Variants in AK7 observed in about 807,000 individuals in gnomAD.
AK7 encodes the protein adenylate kinase 7.
In AK7, 78 loss-of-function variants were observed where a neutral mutation model predicts 96.6. The observed-to-expected ratio is 0.81, with a 90% CI of 0.67 to 0.97. AK7 has a LOEUF of 0.97. AK7 is among the 50% of genes least tolerant of loss of function. The pLI, the probability that AK7 is intolerant of heterozygous loss-of-function variation, is 0.00. For missense variants in AK7, 855 were observed against 887.9 expected (o/e 0.96, Z 0.47); for synonymous variants, 302 against 317.2 (o/e 0.95, Z 0.51).
At chr14:96,481,597 C>T (rs145757529) in intron 15 of AK7, among the ~76,000 whole-genome samples, 17,886 of 151,764 alleles carry the variant, frequency 0.12, 1,139 homozygotes, top group South Asian at 0.18. Context: ...CTGCCCATCT[C>T]GGCCTCCCAA....
At chr14:96,487,526 T>A (rs1298385999) in intron 17 of AK7, among the ~76,000 whole-genome samples, 1 of 150,320 alleles carries the variant, frequency 6.7e-6, no homozygotes, top group Non-Finnish European at 1.5e-5. Flanking sequence ...ACCTCCCGGT[T>A]CAAGTGATTC....
chr14:96,456,237 TC>T lies in AK7; in HGVS notation c.1099-109del, dbSNP rs1183861877. ...GAGCAACAGAGTGAGAGACTCTGTCTCAAAAAAAAAAAAAAAAAAAAAAAGC... is the reference window on the plus strand; with the variant it reads ...GAGCAACAGAGTGAGAGACTCTGTCTAAAAAAAAAAAAAAAAAAAAAAAGC... On this transcript the variant is annotated intron_variant, in intron 10 of 17. Transcript: ENST00000267584. The T allele has an allele frequency of 7.6e-5, 63 of 830,186 alleles. 1 individual carries two copies. The East Asian group carries it at 1.9e-3, about 25-fold the overall frequency. The allele number at this position is 830,186 out of a possible 1,614,324, so 51.4% of individuals were successfully genotyped here.
intron 5 of AK7, among the ~76,000 whole-genome samples, chr14:96,430,028 C>T (rs573031193): frequency 6.6e-6 from 1 of 152,156 alleles, no homozygotes; most frequent in South Asian, 2.1e-4. Context: ...AGAGGGCATC[C>T]CTGTCTTGTG....
In AK7 at chr14:96,440,252, C is replaced by T. The variant is rs183374225; in HGVS notation, c.690+2337C>T. Among the ~76,000 whole-genome samples, 826 of 152,242 alleles carry T rather than the reference C, an allele frequency of 5.4e-3. 11 individuals carry two copies. Among genetic ancestry groups the T allele is most frequent in the African/African-American group, 0.018 (761 of 41,540 alleles). The stretch of plus-strand genomic sequence containing the variant: ...GCCTCCAAAGTGCTGGGATTACAGG[C>T]GTGAGCCACCGTGCCCGGCCTCGAA... On this transcript the variant is annotated intron_variant, in intron 6 of 17. Coordinates refer to ENST00000267584, the MANE Select transcript of AK7 (RefSeq NM_152327.5).
In AK7 at chr14:96,450,545, G is replaced by A. The variant is rs578042798; in HGVS notation, c.948+666G>A. 2.7e-5 allele frequency among the ~76,000 whole-genome samples: 4 copies of A among 150,212 alleles called. No individual in the cohort carries two copies. In the South Asian group the frequency reaches 8.5e-4, roughly 32 times the overall value. On this transcript the variant is annotated intron_variant, in intron 9 of 17. Coordinates refer to ENST00000267584, the MANE Select transcript of AK7 (RefSeq NM_152327.5). ...GGCCTCTTTCTAAAATTCAAAGCAG[G>A]CTGAGATTCCAATTCCATCACAACA...
chr14:96,436,397 C>A (rs947987166), intron 5 of AK7, among the ~76,000 whole-genome samples: 1 of 152,166 alleles, frequency 6.6e-6, no homozygotes, highest in Non-Finnish European at 1.5e-5. Context: ...GTAATCCCAG[C>A]ACTTTGGGAG....
At chr14:96,480,156 G>T (rs1274907366) in intron 15 of AK7, among the ~76,000 whole-genome samples, 1 of 152,162 alleles carries the variant, frequency 6.6e-6, no homozygotes, top group Non-Finnish European at 1.5e-5. Flanking sequence ...AAATGACTGG[G>T]TGCAGTGCCT....
At chr14:96,480,458 T>G (rs1282771263) in intron 15 of AK7, among the ~76,000 whole-genome samples, 1 of 151,842 alleles carries the variant, frequency 6.6e-6, no homozygotes, top group Non-Finnish European at 1.5e-5. Flanking sequence ...ACAAAAACAA[T>G]TTATAAATCT....
At position 96,410,374 on chromosome 14, in the gene AK7, T is replaced by C. The variant is rs537809403; in HGVS notation, c.498+1433T>C. On this transcript the variant is annotated intron_variant, in intron 4 of 17. Transcript: ENST00000267584. ...ACCACTGTGCTAGCTTCCGGACTGA[T>C]TGTCCCAACCAAAGTAAGCAAAATA... 3.3e-5 allele frequency among the ~76,000 whole-genome samples: 5 copies of C among 152,310 alleles called. No individual in the cohort carries two copies. The South Asian group carries it at 1.0e-3, about 32-fold the overall frequency.
intron 4 of AK7, among the ~76,000 whole-genome samples, chr14:96,414,777 T>G (rs1214837643): frequency 6.7e-6 from 1 of 149,346 alleles, no homozygotes; most frequent in Non-Finnish European, 1.5e-5. Context: ...TTTTTTTTTT[T>G]TTTAGTGTGG....
rs1219371578 is a variant in AK7, at chr14:96,399,905, C to CT, written c.294+1649dup. On this transcript the variant is annotated intron_variant, in intron 2 of 17. Coordinates refer to ENST00000267584, the MANE Select transcript of AK7 (RefSeq NM_152327.5). The surrounding 1 kb of genome is among the most constrained non-coding windows in gnomAD (Gnocchi z 4.1). ...GCTTCAGCTCCCCATATAGCCAGTG[C>CT]TTTTTTTGCCTGTCTGCAGCCTCCA... Among the ~76,000 whole-genome samples, 4 of 152,074 alleles carry CT rather than the reference C, an allele frequency of 2.6e-5. No individual in the cohort carries two copies. Among genetic ancestry groups the CT allele is most frequent in the African/African-American group, 9.6e-5 (4 of 41,474 alleles).
At chr14:96,487,539 C>T (rs1895846670) in intron 17 of AK7, among the ~76,000 whole-genome samples, 1 of 150,826 alleles carries the variant, frequency 6.6e-6, no homozygotes, top group Non-Finnish European at 1.5e-5. Flanking sequence ...AGTGATTCTC[C>T]TGCCTCAGCC....
chr14:96,396,245 T>G (rs1296249188), intron 1 of AK7, among the ~76,000 whole-genome samples: 2 of 152,196 alleles, frequency 1.3e-5, no homozygotes, highest in African/African-American at 4.8e-5. Context: ...AACAGAATTT[T>G]CTAGTTGGTC....
At chr14:96,425,480 ATTT>A (rs35861988) in intron 5 of AK7, among the ~76,000 whole-genome samples, 1 of 119,138 alleles carries the variant, frequency 8.4e-6, no homozygotes, top group African/African-American at 3.2e-5. Context: ...AGTCACACTG[ATTT>A]TTTTTTTTTT....
chr14:96,442,358 GAA>G (rs1893004892), intron 6 of AK7, among the ~76,000 whole-genome samples: 1 of 152,200 alleles, frequency 6.6e-6, no homozygotes, highest in Non-Finnish European at 1.5e-5. Flanking sequence ...TCATGCATGT[GAA>G]AACATTTCTT....
At chr14:96,446,418 C>A (rs778516238) in intron 7 of AK7, 99 bp from the exon 8 acceptor site, 1 of 995,102 alleles carries the variant, frequency 1.0e-6, no homozygotes, top group Admixed American at 1.8e-5. Context: ...AAGCACCAAA[C>A]CCCACGCCCA....
intron 6 of AK7, among the ~76,000 whole-genome samples, chr14:96,439,201 G>A (rs1258123891): frequency 6.6e-6 from 1 of 151,888 alleles, no homozygotes; most frequent in African/African-American, 2.4e-5. Context: ...TAAATCCTTG[G>A]GACTGGATGA....
Position 96,437,916 on chromosome 14 carries a change from G to T in AK7, c.690+1G>T, listed in dbSNP as rs764099443. ...AGGCATGTTACACACATTTTTTAAGGTATGGCTTTCAATGATGACGTGGAA... is the reference window on the plus strand; with the variant it reads ...AGGCATGTTACACACATTTTTTAAGTTATGGCTTTCAATGATGACGTGGAA... On this transcript the variant is annotated splice_donor_variant, in intron 6 of 17. Coordinates refer to ENST00000267584, the MANE Select transcript of AK7 (RefSeq NM_152327.5). LOFTEE classifies it high-confidence loss of function. 6.2e-7 allele frequency: 1 copy of T among 1,612,658 alleles called. No individual in the cohort carries two copies. Among genetic ancestry groups the T allele is most frequent in the Non-Finnish European group, 8.5e-7 (1 of 1,179,032 alleles).
intron 16 of AK7, 47 bp downstream of exon 16, chr14:96,483,266 G>A (rs1173305061): frequency 1.9e-6 from 3 of 1,544,174 alleles, no homozygotes; most frequent in Non-Finnish European, 2.6e-6. Context: ...TGGAACAGGG[G>A]TGCGGTGCCT....
Sources: allele counts gnomAD v4.1 joint callset (sites outside exome capture counted in the v4.1 genomes callset), GRCh38; gene constraint gnomAD v4.1.1; non-coding constraint Gnocchi (gnomAD v3.1); transcripts MANE v1.5; gene names NCBI Gene and HGNC (gene_info 2026-07-23, HGNC 2026-07-21).